The following DPYSL5 variants were observed in gnomAD, a reference collection of about 807,000 sequenced individuals.
DPYSL5 encodes the protein dihydropyrimidinase like 5.
DPYSL5 carries 9 observed loss-of-function variants against 58.4 expected under a neutral mutation model. That is an observed-to-expected ratio of 0.15 (90% CI 0.09 to 0.27). DPYSL5 has a LOEUF of 0.27. Among genes scored for constraint, DPYSL5 ranks in the 10% least tolerant of loss-of-function variants. The probability of loss-of-function intolerance (pLI) is 1.00; values close to 1 mark genes in which losing one functional copy is unlikely to be tolerated. For missense variants in DPYSL5, 499 were observed against 770.6 expected (o/e 0.65, Z 4.17); for synonymous variants, 293 against 301.9 (o/e 0.97, Z 0.31).
chr2:26,900,046 G>A (rs960107738), intron 2 of DPYSL5, among the ~76,000 whole-genome samples: 6 of 152,162 alleles, frequency 3.9e-5, no homozygotes, highest in African/African-American at 7.2e-5. Flanking sequence ...CCAGGCCTGC[G>A]GTTATTGTTG....
chr2:26,932,169 A>AAGAC (rs1558351475), intron 6 of DPYSL5, among the ~76,000 whole-genome samples: 11 of 67,824 alleles, frequency 1.6e-4, no homozygotes, highest in African/African-American at 5.9e-4. Flanking sequence ...GAAAGAAAGA[A>AAGAC]AGAAAGAAAG....
intron 1 of DPYSL5, among the ~76,000 whole-genome samples, chr2:26,863,348 C>T (rs1666064862): frequency 2.0e-5 from 3 of 152,326 alleles, no homozygotes; most frequent in Non-Finnish European, 4.4e-5. Context: ...CAGTCTTGAC[C>T]TGCCCCCCAG....
intron 1 of DPYSL5, among the ~76,000 whole-genome samples, chr2:26,858,750 TTTC>T (rs199801653): frequency 0.38 from 55,631 of 144,530 alleles, 10,743 homozygotes; most frequent in Admixed American, 0.47. Flanking sequence ...TTTTTTTTTT[TTTC>T]CGTAGAGATA....
Position 26,934,882 on chromosome 2 carries a change from T to A in DPYSL5, c.947+148T>A. The A allele has an allele frequency of 9.0e-7, 1 of 1,105,480 alleles. No homozygotes were observed. The highest frequency in any genetic ancestry group is 1.3e-6 in the Non-Finnish European group (1 of 774,064). The allele number at this position is 1,105,480 out of a possible 1,614,324, so 68.5% of individuals were successfully genotyped here. A position where few individuals can be genotyped will look rare whatever the true frequency, so the allele number is the denominator to read the frequency against. Reference sequence around the variant, plus strand: ...TCTTACCTTCTCTGAGCCCATCAGATAATTGCCATCCTATTGGGATTTTAT... The same window carrying A: ...TCTTACCTTCTCTGAGCCCATCAGAAAATTGCCATCCTATTGGGATTTTAT... On this transcript the variant is annotated intron_variant, in intron 8 of 12. Transcript: ENST00000288699. This position sits in a 1 kb window ranked among gnomAD's most constrained non-coding sequence, Gnocchi z 4.3.
intron 2 of DPYSL5, among the ~76,000 whole-genome samples, chr2:26,923,917 C>T (rs1664764123): frequency 6.6e-6 from 1 of 152,164 alleles, no homozygotes; most frequent in African/African-American, 2.4e-5. Context: ...ACCTCAGCCT[C>T]CCAAAGTACT....
chr2:26,932,180 AAAG>A (rs1558351511), intron 6 of DPYSL5, among the ~76,000 whole-genome samples: 7 of 76,610 alleles, frequency 9.1e-5, no homozygotes, highest in Admixed American at 1.1e-4. Context: ...AGAAAGAAAG[AAAG>A]AAAGAAAGAA....
chr2:26,923,369 C>G (rs1288062998), intron 2 of DPYSL5, among the ~76,000 whole-genome samples: 1 of 152,206 alleles, frequency 6.6e-6, no homozygotes, highest in African/African-American at 2.4e-5. Context: ...TAACTAAACA[C>G]ACATGTTAGG....
chr2:26,922,076 G>A (rs72804835), intron 2 of DPYSL5, among the ~76,000 whole-genome samples: 2 of 152,276 alleles, frequency 1.3e-5, no homozygotes, highest in Non-Finnish European at 2.9e-5. Context: ...TGGGGATTGT[G>A]TCTACCCAGA....
chr2:26,940,322 C>A, intron 9 of DPYSL5, 150 bp downstream of exon 9: 1 of 963,498 alleles, frequency 1.0e-6, no homozygotes, highest in Non-Finnish European at 1.4e-6. Context: ...TTGTTTCACT[C>A]AAAAACAAAA....
In DPYSL5 at chr2:26,933,128, C is replaced by G; in HGVS notation, c.715-130C>G. ...CCTGCATTCTCCGCTTAAGGACTGT[C>G]ACCTTGAGGGTGGGGTTGAGTGACG... On this transcript the variant is annotated intron_variant, in intron 6 of 12. Transcript: ENST00000288699. This position sits in a 1 kb window ranked among gnomAD's most constrained non-coding sequence, Gnocchi z 4.2. 4 of 795,104 alleles carry G rather than the reference C, an allele frequency of 5.0e-6. No homozygotes were observed. Among genetic ancestry groups the G allele is most frequent in the Non-Finnish European group, 8.8e-6 (4 of 452,292 alleles). 49.3% of individuals were successfully genotyped at this position (795,104 alleles called of 1,614,324 possible).
intron 1 of DPYSL5, among the ~76,000 whole-genome samples, chr2:26,885,091 C>A (rs1415311119): frequency 6.6e-6 from 1 of 151,928 alleles, no homozygotes; most frequent in South Asian, 2.1e-4. Context: ...CCCAGCTACT[C>A]GGGAGGCTGA....
intron 1 of DPYSL5, among the ~76,000 whole-genome samples, chr2:26,856,705 A>C (rs1042065984): frequency 2.1e-5 from 3 of 141,366 alleles, no homozygotes; most frequent in Non-Finnish European, 4.5e-5. Flanking sequence ...GCTAAGATTA[A>C]TGGAGAAATT....
At chr2:26,916,715 C>T (rs1017635511) in intron 2 of DPYSL5, among the ~76,000 whole-genome samples, 4 of 152,208 alleles carry the variant, frequency 2.6e-5, no homozygotes, top group Non-Finnish European at 5.9e-5. Context: ...CTAACATGAC[C>T]TTTCCTTCCA....
At chr2:26,867,647 G>T (rs965842094) in intron 1 of DPYSL5, among the ~76,000 whole-genome samples, 1 of 151,714 alleles carries the variant, frequency 6.6e-6, no homozygotes, top group African/African-American at 2.4e-5. Flanking sequence ...AGTAGAGACG[G>T]GGTTTCACCG....
At chr2:26,866,110 T>A (rs531869192) in intron 1 of DPYSL5, among the ~76,000 whole-genome samples, 1 of 152,312 alleles carries the variant, frequency 6.6e-6, no homozygotes, top group Non-Finnish European at 1.5e-5. Context: ...GGAAAGAGAA[T>A]GTCTAGGAGT....
chr2:26,907,465 G>A (rs1664325413), intron 2 of DPYSL5, among the ~76,000 whole-genome samples: 1 of 152,012 alleles, frequency 6.6e-6, no homozygotes, highest in African/African-American at 2.4e-5. Flanking sequence ...TTCATCTCAC[G>A]GCTCTCTCTA....
chr2:26,929,113 A>ATCACAC (rs1229079091), intron 5 of DPYSL5, among the ~76,000 whole-genome samples: 1 of 152,086 alleles, frequency 6.6e-6, no homozygotes, highest in East Asian at 1.9e-4. Flanking sequence ...GTGGCCTTAG[A>ATCACAC]TTCTCATAGA....
intron 2 of DPYSL5, among the ~76,000 whole-genome samples, chr2:26,906,515 C>G (rs1253389952): frequency 1.3e-5 from 2 of 152,190 alleles, no homozygotes; most frequent in South Asian, 4.2e-4. Context: ...CTGATTAGCC[C>G]AGACCCACTG....
At chr2:26,918,246 G>T (rs567053389) in intron 2 of DPYSL5, among the ~76,000 whole-genome samples, 1 of 152,256 alleles carries the variant, frequency 6.6e-6, no homozygotes, top group Non-Finnish European at 1.5e-5. Flanking sequence ...CCTGGACAGT[G>T]GGCTTGTGAT....
Sources: allele counts gnomAD v4.1 joint callset (sites outside exome capture counted in the v4.1 genomes callset), GRCh38; gene constraint gnomAD v4.1.1; non-coding constraint Gnocchi (gnomAD v3.1); transcripts MANE v1.5; gene names NCBI Gene and HGNC (gene_info 2026-07-23, HGNC 2026-07-21).